Variants in OLFM3 observed in about 807,000 individuals in gnomAD.
OLFM3 encodes noelin-3.
OLFM3 carries 20 observed loss-of-function variants against 48.6 expected under a neutral mutation model. The observed-to-expected ratio is 0.41, with a 90% CI of 0.29 to 0.60. The LOEUF (loss-of-function observed/expected upper bound fraction) is 0.60. Among genes scored for constraint, OLFM3 ranks in the 20% least tolerant of loss-of-function variants. OLFM3 has a pLI of 0.28. For missense variants in OLFM3, 437 were observed against 544.3 expected, an observed-to-expected ratio of 0.80 and a Z score of 1.96; for synonymous variants, 222 against 198.1, an observed-to-expected ratio of 1.12 and a Z score of -1.01.
chr1:101,910,194 C>T (rs1421063904), intron 1 of OLFM3: 5 of 936,644 alleles, frequency 5.3e-6, no homozygotes, highest in African/African-American at 3.6e-5. Flanking sequence ...CGACCGGGCG[C>T]GGTCGCTCAC....
intron 1 of OLFM3, among the ~76,000 whole-genome samples, chr1:101,913,264 G>T (rs968611602): frequency 2.6e-5 from 4 of 152,124 alleles, no homozygotes; most frequent in Non-Finnish European, 5.9e-5. Flanking sequence ...TAATTGAAAG[G>T]TTAAGATGAA....
intron 1 of OLFM3, among the ~76,000 whole-genome samples, chr1:101,854,447 C>T (rs1318275417): frequency 6.6e-6 from 1 of 151,996 alleles, no homozygotes; most frequent in African/African-American, 2.4e-5. Context: ...CCCGGGGGAT[C>T]CTCCGTTGGC....
chr1:101,981,260 C>T (rs1407619563), intron 1 of OLFM3, among the ~76,000 whole-genome samples: 1 of 152,024 alleles, frequency 6.6e-6, no homozygotes, highest in Admixed American at 6.6e-5. Context: ...AGGAAGCTTC[C>T]ATGCACTCAC....
intron 1 of OLFM3, among the ~76,000 whole-genome samples, chr1:101,891,851 C>T (rs767542301): frequency 1.1e-4 from 17 of 151,874 alleles, no homozygotes; most frequent in Non-Finnish European, 2.5e-4. Context: ...TTATATTTCA[C>T]TATGTGTTTG....
intron 1 of OLFM3, among the ~76,000 whole-genome samples, chr1:101,979,774 G>A (rs1661055245): frequency 6.6e-6 from 1 of 152,170 alleles, no homozygotes; most frequent in South Asian, 2.1e-4. Flanking sequence ...TGAGAAGAGG[G>A]CCACCATCCT....
rs998586847 is a variant in OLFM3, at chr1:101,925,505, T to C, written c.69+71243A>G. The stretch of plus-strand genomic sequence containing the variant: ...TGTGTGTGTGTGTGTCTGTAGTCTA[T>C]TTTAATTTTTTATTTAATTAATTTA... On this transcript the variant is annotated intron_variant, in intron 1 of 5. Transcript: ENST00000370103. Among the ~76,000 whole-genome samples, 4 of 151,910 alleles carry C rather than the reference T, an allele frequency of 2.6e-5. No individual in the cohort carries two copies. In the South Asian group the frequency reaches 6.2e-4, roughly 24 times the overall value.
intron 4 of OLFM3, among the ~76,000 whole-genome samples, chr1:101,816,973 A>C (rs1480666348): frequency 6.6e-6 from 1 of 152,188 alleles, no homozygotes; most frequent in African/African-American, 2.4e-5. Context: ...TTAAAGTTAC[A>C]GGAATGTATA....
intron 1 of OLFM3, among the ~76,000 whole-genome samples, chr1:101,852,023 T>A (rs971957270): frequency 6.6e-6 from 1 of 152,064 alleles, no homozygotes; most frequent in South Asian, 2.1e-4. Context: ...CTAGGTTATA[T>A]CTCTCTCACC....
At position 101,804,448 on chromosome 1, in the gene OLFM3, G is replaced by A. The variant is rs752668067; in HGVS notation, c.1167C>T (p.Ser389=). The A allele has an allele frequency of 6.2e-7, 1 of 1,612,424 alleles. No individual in the cohort carries two copies. The highest frequency in any genetic ancestry group is 1.3e-5 in the African/African-American group (1 of 74,758). ...AATACACCTTGGCTCCAGTTAAGTG[G>A]GAGTTGGTGACATACAGTGTCCCAC... The part of the protein sequence containing the change: ...MICGTLYVTN[S]HLTGAKVYYS... The change falls in exon 6 of 6, where the codon TCC becomes TCT. Residue 389 remains serine (S), a synonymous_variant. Coordinates refer to ENST00000370103, the MANE Select transcript of OLFM3 (RefSeq NM_058170.4). The surrounding 1 kb of genome is among the most constrained non-coding windows in gnomAD (Gnocchi z 4.5).
chr1:101,898,099 A>C (rs1271865082), intron 1 of OLFM3, among the ~76,000 whole-genome samples: 3 of 152,150 alleles, frequency 2.0e-5, no homozygotes, highest in African/African-American at 7.2e-5. Context: ...ACCCTTCCTT[A>C]ATATTTACCT....
chr1:101,877,672 GT>G (rs928293786), intron 1 of OLFM3, among the ~76,000 whole-genome samples: 22 of 147,550 alleles, frequency 1.5e-4, no homozygotes, highest in South Asian at 2.1e-4. Context: ...TTATCAACCT[GT>G]TTTTTTTTTA....
chr1:101,954,711 C>T (rs1410610855), intron 1 of OLFM3, among the ~76,000 whole-genome samples: 1 of 152,072 alleles, frequency 6.6e-6, no homozygotes. Flanking sequence ...TTCCTTTCCT[C>T]AAGAATGAAG....
chr1:101,859,128 A>G (rs1656546268), intron 1 of OLFM3, among the ~76,000 whole-genome samples: 1 of 151,908 alleles, frequency 6.6e-6, no homozygotes, highest in Non-Finnish European at 1.5e-5. Context: ...TGATAGGGGG[A>G]AGGAAGAGAG....
chr1:101,928,683 A>T (rs1659352233), intron 1 of OLFM3, among the ~76,000 whole-genome samples: 1 of 152,166 alleles, frequency 6.6e-6, no homozygotes, highest in South Asian at 2.1e-4. Context: ...TGTCTACAAC[A>T]ACTATAGATG....
At chr1:101,818,946 T>C (rs531204894) in intron 4 of OLFM3, among the ~76,000 whole-genome samples, 1 of 152,240 alleles carries the variant, frequency 6.6e-6, no homozygotes, top group East Asian at 1.9e-4. Context: ...TCTCCAGAAA[T>C]TCAACTAGAA....
At chr1:101,846,705 G>A (rs960417818) in intron 1 of OLFM3, 11 of 605,438 alleles carry the variant, frequency 1.8e-5, no homozygotes, top group Non-Finnish European at 3.3e-5. Context: ...TAAATATGAT[G>A]AAAGTTACCA....
intron 3 of OLFM3, among the ~76,000 whole-genome samples, chr1:101,830,140 G>A (rs1655078431): frequency 6.6e-6 from 1 of 152,016 alleles, no homozygotes; most frequent in African/African-American, 2.4e-5. Flanking sequence ...GCCCGGCCGA[G>A]TTTTTTCTTA....
intron 1 of OLFM3, among the ~76,000 whole-genome samples, chr1:101,868,374 A>G (rs993123049): frequency 6.6e-6 from 1 of 152,192 alleles, no homozygotes; most frequent in African/African-American, 2.4e-5. Flanking sequence ...AGGTGGTCTC[A>G]GATGGAAATA....
intron 1 of OLFM3, among the ~76,000 whole-genome samples, chr1:101,912,084 A>T (rs1159983672): frequency 6.6e-6 from 1 of 152,186 alleles, no homozygotes; most frequent in East Asian, 1.9e-4. Flanking sequence ...GCTCTGTCTG[A>T]CATGCCCTTG....
Sources: gnomAD v4.1 joint callset for allele counts (sites outside exome capture counted in the v4.1 genomes callset) on GRCh38, gnomAD v4.1.1 for gene constraint, Gnocchi (gnomAD v3.1) non-coding constraint, MANE v1.5 for transcripts, NCBI Gene and HGNC (gene_info 2026-07-23, HGNC 2026-07-21) for gene names.